NPC1: variants seen among roughly 807,000 people sequenced by gnomAD.
NPC1 encodes NPC intracellular cholesterol transporter 1.
NPC1 carries 85 observed loss-of-function variants against 140.4 expected under a neutral mutation model. That is an observed-to-expected ratio of 0.61 (90% CI 0.51 to 0.72). The LOEUF (loss-of-function observed/expected upper bound fraction) is 0.72, where lower values mean the gene tolerates loss of function less well. NPC1 is among the 30% of genes least tolerant of loss of function. NPC1 has a pLI of 0.00. For missense variants in NPC1, 1,504 were observed against 1,623.8 expected (o/e 0.93, Z 1.27); for synonymous variants, 656 against 624.8 (o/e 1.05, Z -0.74).
chr18:23,535,825 G>A (rs2058621548), intron 21 of NPC1, 125 bp from the exon 22 acceptor site: 1 of 741,480 alleles, frequency 1.3e-6, no homozygotes, highest in East Asian at 2.7e-5. Flanking sequence ...AAACCTTGCT[G>A]GCTGTCTACA....
chr18:23,544,943 A>AACCAC lies in NPC1; in HGVS notation c.1947+16_1947+17insGTGGT. On this transcript the variant is annotated intron_variant, in intron 12 of 24. Transcript: ENST00000269228. ...GCTGTTAACCTCTAGAACATACACC[A>AACCAC]CCCCCCCCCGGCTTACCAGAAGCCT... 1.9e-6 allele frequency: 2 copies of AACCAC among 1,032,988 alleles called. No homozygotes were observed. The highest frequency in any genetic ancestry group is 2.8e-6 in the Non-Finnish European group (2 of 712,988). 64.0% of individuals were successfully genotyped at this position (1,032,988 alleles called of 1,614,324 possible). A position where few individuals can be genotyped will look rare whatever the true frequency, so the allele number is the denominator to read the frequency against.
At chr18:23,566,144 C>G (rs1334769458) in intron 4 of NPC1, among the ~76,000 whole-genome samples, 1 of 152,124 alleles carries the variant, frequency 6.6e-6, no homozygotes, top group Non-Finnish European at 1.5e-5. Flanking sequence ...TGACTCACAC[C>G]TGTAATCCCA....
intron 9 of NPC1, among the ~76,000 whole-genome samples, chr18:23,552,100 C>T (rs78766883): frequency 1.3e-5 from 2 of 152,126 alleles, no homozygotes; most frequent in Non-Finnish European, 2.9e-5. Context: ...CACACAATTA[C>T]AACTGTGGGA....
downstream of NPC1, among the ~76,000 whole-genome samples, chr18:23,521,734 A>G (rs1352507094): frequency 6.7e-6 from 1 of 149,972 alleles, no homozygotes; most frequent in African/African-American, 2.5e-5. Flanking sequence ...ATTTTCTCAC[A>G]GTTCTGGAGG....
At chr18:23,534,710 A>G in intron 22 of NPC1, 151 bp from the exon 23 acceptor site, 2 of 704,808 alleles carry the variant, frequency 2.8e-6, no homozygotes, top group East Asian at 2.7e-5. Context: ...CCTCCATCAC[A>G]CCAATCTTAC....
Position 23,544,945 on chromosome 18 carries a change from C to G in NPC1, c.1947+15G>C, listed in dbSNP as rs1238986430. 2 of 1,291,332 alleles carry G rather than the reference C, an allele frequency of 1.5e-6. No homozygotes were observed. Among genetic ancestry groups the G allele is most frequent in the Non-Finnish European group, 2.2e-6 (2 of 913,324 alleles). 80.0% of individuals were successfully genotyped at this position (1,291,332 alleles called of 1,614,324 possible). A position where few individuals can be genotyped will look rare whatever the true frequency, so the allele number is the denominator to read the frequency against. ...TGTTAACCTCTAGAACATACACCAC[C>G]CCCCCCCGGCTTACCAGAAGCCTGC... On this transcript the variant is annotated intron_variant, in intron 12 of 24. Coordinates refer to ENST00000269228, the MANE Select transcript of NPC1 (RefSeq NM_000271.5).
intron 21 of NPC1, 55 bp from the exon 22 acceptor site, chr18:23,535,755 G>T (rs372756851): frequency 8.6e-7 from 1 of 1,162,012 alleles, no homozygotes; most frequent in Non-Finnish European, 1.3e-6. Flanking sequence ...CGAACACTGC[G>T]TGTTCATCCT....
At chr18:23,509,984 C>CTT in intron 3 of NPC1, among the ~76,000 whole-genome samples, 1 of 122,088 alleles carries the variant, frequency 8.2e-6, no homozygotes, top group Admixed American at 8.2e-5. Context: ...GGATTTTATT[C>CTT]TTTTTTTTTT....
At chr18:23,563,989 T>TTTTTG (rs1555639707) in intron 4 of NPC1, among the ~76,000 whole-genome samples, 1 of 137,400 alleles carries the variant, frequency 7.3e-6, no homozygotes, top group Admixed American at 7.1e-5. Context: ...TAGTAAGAGT[T>TTTTTG]TTTTTTTTTT....
chr18:23,573,744 G>A (rs1386933977), intron 1 of NPC1, among the ~76,000 whole-genome samples, 170 bp from the exon 2 acceptor site: 1 of 152,128 alleles, frequency 6.6e-6, no homozygotes, highest in Non-Finnish European at 1.5e-5. Context: ...CAGACCAAAT[G>A]CCTATTTGTC....
chr18:23,516,665 TGA>T (rs2058013738), intron 3 of NPC1, among the ~76,000 whole-genome samples: 1 of 152,150 alleles, frequency 6.6e-6, no homozygotes, highest in Non-Finnish European at 1.5e-5. Context: ...CTTTCTAGCC[TGA>T]TAAAACAAGA....
At chr18:23,524,046 A>G (rs1195865532) in intron 1 of NPC1, 2 of 1,376,072 alleles carry the variant, frequency 1.5e-6, no homozygotes, top group African/African-American at 1.4e-5. Flanking sequence ...TGACATTAAA[A>G]AGTATTGACT....
chr18:23,586,054 G>A (rs779166064), intron 1 of NPC1, among the ~76,000 whole-genome samples: 3 of 152,324 alleles, frequency 2.0e-5, no homozygotes, highest in Admixed American at 6.5e-5. Flanking sequence ...GACCACAGAT[G>A]GAACAAGCTC....
At chr18:23,537,706 A>T (rs2058652638) in intron 20 of NPC1, among the ~76,000 whole-genome samples, 1 of 152,210 alleles carries the variant, frequency 6.6e-6, no homozygotes, top group Non-Finnish European at 1.5e-5. Flanking sequence ...AACGGTGGCT[A>T]CTGCCTTCAG....
intron 11 of NPC1, among the ~76,000 whole-genome samples, chr18:23,546,973 T>C (rs1215474793): frequency 6.6e-6 from 1 of 152,180 alleles, no homozygotes; most frequent in Non-Finnish European, 1.5e-5. Flanking sequence ...GTACGCTTTT[T>C]TTTCTTTTTA....
chr18:23,517,161 T>C (rs2058030137), intron 3 of NPC1, among the ~76,000 whole-genome samples: 1 of 152,162 alleles, frequency 6.6e-6, no homozygotes, highest in African/African-American at 2.4e-5. Context: ...TTTTTTTTGT[T>C]TGTTTTTGTG....
chr18:23,544,945 C>CCCCG lies in NPC1; in HGVS notation c.1947+14_1947+15insCGGG, dbSNP rs1555634634. 65 of 1,291,344 alleles carry CCCCG rather than the reference C, an allele frequency of 5.0e-5. 4 individuals are homozygous for CCCCG. The highest frequency in any genetic ancestry group is 4.0e-4 in the African/African-American group (27 of 67,438). 80.0% of individuals were successfully genotyped at this position (1,291,344 alleles called of 1,614,324 possible). ...TGTTAACCTCTAGAACATACACCAC[C>CCCCG]CCCCCCCGGCTTACCAGAAGCCTGC... On this transcript the variant is annotated intron_variant, in intron 12 of 24. Transcript: ENST00000269228.
At chr18:23,523,304 G>C (rs1016899485) in intron 1 of NPC1, among the ~76,000 whole-genome samples, 9 of 152,250 alleles carry the variant, frequency 5.9e-5, no homozygotes, top group Non-Finnish European at 1.0e-4. Context: ...CTCATGAGCA[G>C]TATAACTGGT....
In NPC1 at chr18:23,540,502, G is replaced by C. The variant is rs542171272; in HGVS notation, c.2550C>G (p.Ile850Met). The change falls in exon 17 of 25, where the codon ATC becomes ATG. Residue 850 changes from isoleucine (I) to methionine (M), a missense_variant. Transcript: ENST00000269228. ...CAATATCTACTTTGTTCAGGACTGC[G>C]ATGCTGAATGACAGAACACCCACAA... ...AIFVGVLSFSIAVLNKVDIGL... is the reference protein window; with the variant it reads ...AIFVGVLSFSMAVLNKVDIGL... The C allele has an allele frequency of 1.2e-5, 20 of 1,612,504 alleles. 2 individuals are homozygous for C. The South Asian group carries it at 2.2e-4, about 18-fold the overall frequency.
Sources: allele counts gnomAD v4.1 joint callset (sites outside exome capture counted in the v4.1 genomes callset), GRCh38; gene constraint gnomAD v4.1.1; transcripts MANE v1.5; gene names NCBI Gene and HGNC (gene_info 2026-07-23, HGNC 2026-07-21).